Variants in SYTL3 observed in about 807,000 individuals in gnomAD.
The protein encoded by SYTL3 is synaptotagmin like 3, also known as synaptotagmin-like protein 3.
SYTL3 carries 88 observed loss-of-function variants against 82.1 expected under a neutral mutation model. That is an observed-to-expected ratio of 1.07 (90% CI 0.90 to 1.28). SYTL3 has a LOEUF of 1.28. Among genes scored for constraint, SYTL3 ranks in the 50% most tolerant of loss-of-function variants. The pLI is 0.00. For missense variants in SYTL3, 831 were observed against 757.6 expected (o/e 1.10, Z -1.14); for synonymous variants, 311 against 289.4 (o/e 1.07, Z -0.76).
At chr6:158,700,244 G>A (rs1039722901) in intron 6 of SYTL3, among the ~76,000 whole-genome samples, 17 of 152,084 alleles carry the variant, frequency 1.1e-4, no homozygotes, top group African/African-American at 3.4e-4. Flanking sequence ...CAACAAGAGC[G>A]AAACTCTGTC....
intron 6 of SYTL3, among the ~76,000 whole-genome samples, chr6:158,703,459 A>T (rs1371211925): frequency 6.6e-6 from 1 of 152,214 alleles, no homozygotes; most frequent in Non-Finnish European, 1.5e-5. Flanking sequence ...TCCTTGCGCG[A>T]ATACTGACAT....
intron 11 of SYTL3, among the ~76,000 whole-genome samples, chr6:158,744,253 T>C (rs1399618951): frequency 6.6e-6 from 1 of 151,212 alleles, no homozygotes; most frequent in Non-Finnish European, 1.5e-5. Flanking sequence ...TATCTTTCCC[T>C]TGTGGTTCTG....
intron 5 of SYTL3, among the ~76,000 whole-genome samples, chr6:158,671,970 C>A (rs919697813): frequency 6.6e-6 from 1 of 152,006 alleles, no homozygotes; most frequent in African/African-American, 2.4e-5. Context: ...TTTGCAAGTT[C>A]TTTATTTTGA....
chr6:158,673,856 G>A (rs903810441), intron 5 of SYTL3, among the ~76,000 whole-genome samples: 7 of 151,082 alleles, frequency 4.6e-5, no homozygotes, highest in Non-Finnish European at 1.0e-4. Context: ...GGCCGAGCTG[G>A]GCGGATCACT....
intron 13 of SYTL3, among the ~76,000 whole-genome samples, chr6:158,756,919 A>C (rs1789183640): frequency 1.3e-5 from 2 of 151,168 alleles, no homozygotes; most frequent in South Asian, 4.2e-4. Flanking sequence ...GTGGGAGGCT[A>C]CCAGGGCTAC....
chr6:158,744,087 T>C (rs746409426), intron 11 of SYTL3, among the ~76,000 whole-genome samples: 7 of 151,444 alleles, frequency 4.6e-5, no homozygotes, highest in Non-Finnish European at 7.4e-5. Context: ...CTGGCTAATT[T>C]TTGTATTTTA....
chr6:158,751,246 G>T (rs1788346368), intron 12 of SYTL3, among the ~76,000 whole-genome samples: 1 of 152,062 alleles, frequency 6.6e-6, no homozygotes. Flanking sequence ...GTGGAGAGGG[G>T]GCTTGGGCTG....
chr6:158,739,858 CT>C (rs1786699660), intron 11 of SYTL3, among the ~76,000 whole-genome samples: 1 of 152,042 alleles, frequency 6.6e-6, no homozygotes, highest in Non-Finnish European at 1.5e-5. Context: ...ATTTTTTCTC[CT>C]CTGTGCTTCA....
chr6:158,672,639 AT>A (rs1390627532), intron 5 of SYTL3, among the ~76,000 whole-genome samples: 6 of 138,278 alleles, frequency 4.3e-5, no homozygotes, highest in South Asian at 2.3e-4. Context: ...TTTTAATTTA[AT>A]TTTTTTTTTG....
intron 11 of SYTL3, 29 bp downstream of exon 11, chr6:158,725,666 G>GT (rs768336147): frequency 1.2e-4 from 120 of 968,794 alleles, no homozygotes; most frequent in African/African-American, 1.1e-3. Context: ...CTCTTTTTTT[G>GT]TTTTTTTGTT....
At chr6:158,717,308 GTT>G (rs10554536) in intron 9 of SYTL3, among the ~76,000 whole-genome samples, 30,260 of 148,646 alleles carry the variant, frequency 0.2, 3,529 homozygotes, top group South Asian at 0.33. Context: ...AATTTTACCT[GTT>G]TTTTTTTTTT....
At chr6:158,668,656 G>A (rs1438604843) in intron 5 of SYTL3, among the ~76,000 whole-genome samples, 1 of 152,228 alleles carries the variant, frequency 6.6e-6, no homozygotes, top group Non-Finnish European at 1.5e-5. Context: ...GCAAGATCAG[G>A]AGAGCGGAAG....
chr6:158,687,804 T>C (rs75568326), intron 6 of SYTL3, among the ~76,000 whole-genome samples: 13,578 of 152,224 alleles, frequency 0.089, 1,768 homozygotes, highest in African/African-American at 0.29. Flanking sequence ...CCTTTTCTCT[T>C]TGAAAGGAAG....
In SYTL3 at chr6:158,763,475, C is replaced by T. The variant is rs2291386; in HGVS notation, c.1689C>T (p.Asn563=). Residue 563 remains asparagine, a synonymous_variant, in exon 17 of 18, where the codon AAC becomes AAT. Transcript: ENST00000611299. ...TVWDQALFGM[N]DRLLGGTRLG... is the part of the protein sequence containing the mutation. ...GGGATCAGGCCCTCTTTGGAATGAA[C>T]GACCGCTTGCTTGGAGGAACCAGAC... 0.054 allele frequency: 87,918 copies of T among 1,613,746 alleles called. 4,220 individuals are homozygous for T. The highest frequency in any genetic ancestry group is 0.26 in the African/African-American group (19,466 of 74,928).
At position 158,679,984 on chromosome 6, in the gene SYTL3, A is replaced by G. The variant is rs371866145; in HGVS notation, c.330-2941A>G. On this transcript the variant is annotated intron_variant, in intron 5 of 17. Transcript: ENST00000611299. ...GGGCCCAGTGGTAACGGGCTGGAGC[A>G]TGTGAGAGAGGAGATGAGCTGAAAT... Among the ~76,000 whole-genome samples, 17 of 152,318 alleles carry G rather than the reference A, an allele frequency of 1.1e-4. No homozygotes were observed. In the South Asian group the frequency reaches 3.1e-3, roughly 28 times the overall value.
chr6:158,723,418 GC>G lies in SYTL3; in HGVS notation c.721-2082del, dbSNP rs569035831. On this transcript the variant is annotated intron_variant, in intron 10 of 17. Coordinates refer to ENST00000611299, the MANE Select transcript of SYTL3 (RefSeq NM_001242394.2). ...GGCTTTTAGTTCATGCTGCCAAGTT[GC>G]CCTCCACTGACGTTGACTCCATTTA... Among the ~76,000 whole-genome samples, 129 of 152,160 alleles carry G rather than the reference GC, an allele frequency of 8.5e-4. 1 individual carries two copies. The highest frequency in any genetic ancestry group is 2.5e-3 in the African/African-American group (103 of 41,516).
chr6:158,712,441 C>T (rs962855403), intron 8 of SYTL3, among the ~76,000 whole-genome samples: 5 of 152,296 alleles, frequency 3.3e-5, no homozygotes, highest in East Asian at 1.9e-4. Context: ...ATTAAGTCCA[C>T]GAGTCCACCC....
At chr6:158,710,414 G>A (rs1021821851) in intron 8 of SYTL3, among the ~76,000 whole-genome samples, 6 of 151,856 alleles carry the variant, frequency 4.0e-5, no homozygotes, top group Admixed American at 3.3e-4. Flanking sequence ...AAATACAGAT[G>A]TACAAAAAGG....
chr6:158,712,619 A>G (rs1782879394), intron 8 of SYTL3, among the ~76,000 whole-genome samples: 1 of 152,234 alleles, frequency 6.6e-6, no homozygotes, highest in Admixed American at 6.5e-5. Context: ...TTAGGGATTT[A>G]GACTTTAGGG....
Sources: allele counts gnomAD v4.1 joint callset (sites outside exome capture counted in the v4.1 genomes callset), GRCh38; gene constraint gnomAD v4.1.1; transcripts MANE v1.5; gene names NCBI Gene and HGNC (gene_info 2026-07-23, HGNC 2026-07-21).